FNDC3A: variants seen among roughly 807,000 people sequenced by gnomAD.
The protein encoded by FNDC3A is fibronectin type-III domain-containing protein 3A.
In FNDC3A, 32 loss-of-function variants were observed where a neutral mutation model predicts 148.9. The ratio of observed to expected loss-of-function variants is 0.21; its 90% CI spans 0.16 to 0.29. The LOEUF is 0.29. FNDC3A is among the 10% of genes least tolerant of loss of function. The pLI is 1.00. For missense variants in FNDC3A, 1,191 were observed against 1,452.8 expected (o/e 0.82, Z 2.93); for synonymous variants, 472 against 473.6 (o/e 1.00, Z 0.04).
intron 4 of FNDC3A, among the ~76,000 whole-genome samples, chr13:49,122,066 G>T (rs556825857): frequency 6.6e-6 from 1 of 152,158 alleles, no homozygotes; most frequent in Admixed American, 6.5e-5. Flanking sequence ...TTTCAGGCCA[G>T]TATCCCTGAT....
chr13:49,066,037 A>G (rs1368797769), intron 2 of FNDC3A, among the ~76,000 whole-genome samples: 1 of 152,206 alleles, frequency 6.6e-6, no homozygotes, highest in African/African-American at 2.4e-5. Context: ...TTTTGAGTAT[A>G]TAATAAGTAC....
rs11495801 is a variant in FNDC3A at position 49,157,572 on chromosome 13, G to A, written c.978-9672G>A. Among the ~76,000 whole-genome samples the A allele has an allele frequency of 1.5e-4, 22 of 151,114 alleles. No individual in the cohort carries two copies. In the East Asian group the frequency reaches 2.0e-3, roughly 13 times the overall value. On this transcript the variant is annotated intron_variant, in intron 8 of 25. Transcript: ENST00000492622. ...TGTTCCGTTGCTGGTGAGGAACTGCGTTCCTTTGGAGGAGGAGAGGTGCTC... is the reference window on the plus strand; with the variant it reads ...TGTTCCGTTGCTGGTGAGGAACTGCATTCCTTTGGAGGAGGAGAGGTGCTC...
intron 3 of FNDC3A, among the ~76,000 whole-genome samples, chr13:49,095,145 AT>A (rs575201100): frequency 1.3e-5 from 2 of 151,900 alleles, no homozygotes; most frequent in African/African-American, 2.4e-5. Context: ...ATGTATATAT[AT>A]TTTTTTAAAT....
At position 49,092,762 on chromosome 13, in the gene FNDC3A, A is replaced by G. The variant is rs189226508; in HGVS notation, c.175+17398A>G. 4.4e-4 allele frequency among the ~76,000 whole-genome samples: 64 copies of G among 145,370 alleles called. 1 individual carries two copies. The East Asian group carries it at 0.012, about 27-fold the overall frequency. ...ACTCTTTCTGACCACTCCAATGTTA[A>G]AAAAAAAAAAAAGTGCTCCTTAATT... On this transcript the variant is annotated intron_variant, in intron 3 of 25. Coordinates refer to ENST00000492622, the MANE Select transcript of FNDC3A (RefSeq NM_001079673.2).
At chr13:49,155,251 T>G (rs577297880) in intron 8 of FNDC3A, among the ~76,000 whole-genome samples, 3 of 151,896 alleles carry the variant, frequency 2.0e-5, no homozygotes, top group African/African-American at 4.8e-5. Flanking sequence ...TCTTGGGAGA[T>G]TGTATGTGTC....
intron 14 of FNDC3A, among the ~76,000 whole-genome samples, chr13:49,179,741 G>C (rs928804046): frequency 6.6e-6 from 1 of 152,098 alleles, no homozygotes; most frequent in African/African-American, 2.4e-5. Flanking sequence ...CTACAAGCTG[G>C]CTTCAGAATC....
chr13:49,069,269 C>T (rs1877483922), intron 2 of FNDC3A, among the ~76,000 whole-genome samples: 1 of 152,130 alleles, frequency 6.6e-6, no homozygotes, highest in Non-Finnish European at 1.5e-5. Flanking sequence ...ACCTTTAATA[C>T]CTTTAAAGAT....
At chr13:48,994,514 C>G (rs886444454) in intron 1 of FNDC3A, among the ~76,000 whole-genome samples, 5 of 152,212 alleles carry the variant, frequency 3.3e-5, no homozygotes, top group Non-Finnish European at 7.3e-5. Flanking sequence ...CGCAGTGGCT[C>G]ACGCCTGTAA....
At chr13:48,977,414 A>C (rs775724946) in intron 1 of FNDC3A, among the ~76,000 whole-genome samples, 1 of 152,230 alleles carries the variant, frequency 6.6e-6, no homozygotes, top group Non-Finnish European at 1.5e-5. Context: ...AGTTTGAGCC[A>C]TATGTTAGGC....
At chr13:49,024,174 C>G (rs1048738568) in intron 2 of FNDC3A, among the ~76,000 whole-genome samples, 3 of 151,784 alleles carry the variant, frequency 2.0e-5, no homozygotes, top group African/African-American at 7.3e-5. Flanking sequence ...AAAATTGGAA[C>G]AAGAAGAAGT....
chr13:49,038,168 T>A (rs1421213687), intron 2 of FNDC3A, among the ~76,000 whole-genome samples: 2 of 152,166 alleles, frequency 1.3e-5, no homozygotes, highest in East Asian at 3.9e-4. Flanking sequence ...GTTTGTCTGC[T>A]CATCTCCTTC....
chr13:49,194,347 C>CT (rs1230368659), intron 19 of FNDC3A, among the ~76,000 whole-genome samples: 1 of 152,188 alleles, frequency 6.6e-6, no homozygotes, highest in African/African-American at 2.4e-5. Flanking sequence ...ACTAATAAAA[C>CT]TATCTGCCAT....
At chr13:49,053,155 A>G (rs997208330) in intron 2 of FNDC3A, among the ~76,000 whole-genome samples, 1 of 152,180 alleles carries the variant, frequency 6.6e-6, no homozygotes, top group Non-Finnish European at 1.5e-5. Flanking sequence ...GAGCCTCCCC[A>G]TTCAGAAAGC....
intron 10 of FNDC3A, among the ~76,000 whole-genome samples, chr13:49,169,250 A>G (rs1043398698): frequency 1.3e-5 from 2 of 152,212 alleles, no homozygotes; most frequent in African/African-American, 4.8e-5. Flanking sequence ...TTAGTCATTC[A>G]AATACCACAG....
At chr13:49,050,241 G>A (rs7328000) in intron 2 of FNDC3A, among the ~76,000 whole-genome samples, 89,030 of 152,008 alleles carry the variant, frequency 0.59, 27,505 homozygotes, top group Non-Finnish European at 0.68. Context: ...TAGATTGTCT[G>A]TTTGTACTCT....
chr13:49,112,693 C>G (rs1353858299), intron 3 of FNDC3A, among the ~76,000 whole-genome samples: 4 of 152,010 alleles, frequency 2.6e-5, no homozygotes, highest in Non-Finnish European at 5.9e-5. Context: ...TTTTGAATCC[C>G]ACTTCTACCA....
intron 2 of FNDC3A, among the ~76,000 whole-genome samples, chr13:49,048,779 T>C (rs1875609804): frequency 6.6e-6 from 1 of 152,168 alleles, no homozygotes; most frequent in Admixed American, 6.5e-5. Flanking sequence ...CATTTTGACT[T>C]CCTCTTCACC....
intron 2 of FNDC3A, among the ~76,000 whole-genome samples, chr13:49,021,213 C>T (rs762739777): frequency 2.6e-5 from 4 of 152,064 alleles, no homozygotes; most frequent in Non-Finnish European, 4.4e-5. Context: ...TTTTCAAAGC[C>T]CCTATATGAA....
chr13:49,083,610 T>C (rs1878619176), intron 3 of FNDC3A, among the ~76,000 whole-genome samples: 1 of 152,170 alleles, frequency 6.6e-6, no homozygotes, highest in African/African-American at 2.4e-5. Context: ...TGAAGGATGT[T>C]TAACCTAGAA....
Sources: allele counts gnomAD v4.1 joint callset (sites outside exome capture counted in the v4.1 genomes callset), GRCh38; gene constraint gnomAD v4.1.1; transcripts MANE v1.5; gene names NCBI Gene and HGNC (gene_info 2026-07-23, HGNC 2026-07-21).